Variants in ADAMTSL2 observed in about 807,000 individuals in gnomAD.
The protein encoded by ADAMTSL2 is ADAMTS like 2, also known as ADAMTS-like protein 2.
Under a neutral mutation model 117.0 loss-of-function variants are expected in ADAMTSL2, and 55 were observed. The observed-to-expected ratio is 0.47, with a 90% confidence interval of 0.38 to 0.59. The LOEUF is 0.59. Ranked by LOEUF, ADAMTSL2 falls within the 20% of genes least tolerant of loss-of-function variation. The pLI is 0.00. For synonymous variants in ADAMTSL2, 572 were observed against 566.4 expected (o/e 1.01, Z -0.14); for missense variants, 1,182 against 1,354.5 (o/e 0.87, Z 2.00).
rs1271433762 is a variant in ADAMTSL2, at chr9:133,568,359, C to T, written c.1961C>T (p.Ser654Leu). Reference sequence around the variant, plus strand: ...GTCGTGCGCTGCTGGAAGATGCTCTCGCCCGGCTTCGACAGCTCCGTGTAC... The same window carrying T: ...GTCGTGCGCTGCTGGAAGATGCTCTTGCCCGGCTTCGACAGCTCCGTGTAC... ...FRVVRCWKML[S>L]PGFDSSVYSD... is the part of the protein sequence containing the mutation. Residue 654 changes from serine to leucine, a missense_variant, in exon 14 of 19, where the codon TCG becomes TTG. By Grantham distance (145) the Ser-to-Leu change is moderately radical. Around this residue, in one of 3 missense-constraint regions of ADAMTSL2, gnomAD observed 465 missense variants for 565.3 expected, o/e 0.82. Coordinates refer to ENST00000651351, the MANE Select transcript of ADAMTSL2 (RefSeq NM_014694.4). 39 of 1,595,368 alleles carry T rather than the reference C, an allele frequency of 2.4e-5. No individual in the cohort carries two copies. Among genetic ancestry groups the T allele is most frequent in the Middle Eastern group, 1.7e-4 (1 of 6,050 alleles).
intron 9 of ADAMTSL2, among the ~76,000 whole-genome samples, chr9:133,550,534 G>A (rs1165148150): frequency 6.6e-6 from 1 of 152,160 alleles, no homozygotes; most frequent in Non-Finnish European, 1.5e-5. Flanking sequence ...CTGTGGCTGA[G>A]CTTCTGTGGG....
chr9:133,566,850 G>C, intron 12 of ADAMTSL2, 86 bp from the exon 13 acceptor site: 1 of 1,532,602 alleles, frequency 6.5e-7, no homozygotes, highest in Non-Finnish European at 8.8e-7. Context: ...TGAGAGGTCA[G>C]GTGACTTGCC....
chr9:133,570,769 G>A (rs1831087579), intron 17 of ADAMTSL2, among the ~76,000 whole-genome samples: 4 of 152,186 alleles, frequency 2.6e-5, no homozygotes, highest in African/African-American at 9.7e-5. Context: ...CGGGAACTCC[G>A]GCCTCGAATT....
chr9:133,561,033 TG>T (rs1305770454), intron 11 of ADAMTSL2, among the ~76,000 whole-genome samples, 164 bp from the exon 12 acceptor site: 1 of 152,186 alleles, frequency 6.6e-6, no homozygotes, highest in African/African-American at 2.4e-5. Context: ...CTTCAGACAG[TG>T]GGAACTCTGA....
At chr9:133,568,509 C>T (rs1012134273) in intron 14 of ADAMTSL2, 23 bp downstream of exon 14, 18 of 1,585,446 alleles carry the variant, frequency 1.1e-5, no homozygotes, top group South Asian at 3.4e-5. Context: ...GGGAGCAAGC[C>T]GGGGGTCGGG....
intron 13 of ADAMTSL2, among the ~76,000 whole-genome samples, chr9:133,567,761 A>G (rs1318423283): frequency 6.6e-6 from 1 of 152,226 alleles, no homozygotes; most frequent in Non-Finnish European, 1.5e-5. Context: ...GGTGGGGTCC[A>G]GCAGGCCCTG....
At chr9:133,538,830 C>G (rs1830119895) in intron 4 of ADAMTSL2, among the ~76,000 whole-genome samples, 1 of 152,134 alleles carries the variant, frequency 6.6e-6, no homozygotes, top group Non-Finnish European at 1.5e-5. Context: ...AAACAGTTCC[C>G]TGGGTTGCTC....
intron 18 of ADAMTSL2, 144 bp downstream of exon 18, chr9:133,574,131 G>A (rs1268517628): frequency 1.4e-5 from 16 of 1,131,706 alleles, no homozygotes; most frequent in Non-Finnish European, 1.8e-5. Flanking sequence ...TGCAGGGAGT[G>A]GGGGCTCCCT....
intron 7 of ADAMTSL2, 110 bp from the exon 8 acceptor site, chr9:133,544,360 C>T: frequency 1.1e-6 from 1 of 941,974 alleles, no homozygotes. Flanking sequence ...GGGGTTGGGC[C>T]AGCCCTTAGA....
At position 133,554,790 on chromosome 9, in the gene ADAMTSL2, G is replaced by GGACCTT; in HGVS notation, c.1276+97_1276+98insGACCTT. 4 of 1,159,480 alleles carry GGACCTT rather than the reference G, an allele frequency of 3.4e-6. No individual in the cohort carries two copies. The highest frequency in any genetic ancestry group is 4.7e-6 in the Non-Finnish European group (4 of 844,080). 71.8% of individuals were successfully genotyped at this position (1,159,480 alleles called of 1,614,324 possible). ...GTCTCAGACCCTTTGCAGACCTGCA[G>GGACCTT]AGGAGGTTCCTAAGAGCTGCCAGCT... On this transcript the variant is annotated intron_variant, in intron 10 of 18. Transcript: ENST00000651351. This position sits in a 1 kb window ranked among gnomAD's most constrained non-coding sequence, Gnocchi z 5.2.
At chr9:133,535,840 C>A (rs917038770) in intron 1 of ADAMTSL2, among the ~76,000 whole-genome samples, 1 of 151,000 alleles carries the variant, frequency 6.6e-6, no homozygotes, top group Non-Finnish European at 1.5e-5. Flanking sequence ...AGGGCAGGGT[C>A]GACGCTGAGG....
chr9:133,537,819 C>T (rs909231488), intron 3 of ADAMTSL2, among the ~76,000 whole-genome samples: 5 of 152,324 alleles, frequency 3.3e-5, no homozygotes, highest in Non-Finnish European at 5.9e-5. Context: ...GTCCTGGAGG[C>T]GGAGAACCAC....
rs1830280226 is a variant in ADAMTSL2, at chr9:133,543,728, G to A, written c.683-742G>A. On this transcript the variant is annotated intron_variant, in intron 7 of 18. Transcript: ENST00000651351. The stretch of plus-strand genomic sequence containing the variant: ...AGCCTCAGGAAACGTCCGACCTGGA[G>A]AGCCCCTTCTTTCCTGTCCCAGGGC... 3.9e-5 allele frequency among the ~76,000 whole-genome samples: 6 copies of A among 152,252 alleles called. No homozygotes were observed. The South Asian group carries it at 1.2e-3, about 31-fold the overall frequency.
At chr9:133,561,067 C>T in intron 11 of ADAMTSL2, 131 bp from the exon 12 acceptor site, 1 of 793,266 alleles carries the variant, frequency 1.3e-6, no homozygotes, top group Non-Finnish European at 2.2e-6. Context: ...GAGGGTCGGC[C>T]CGGGGCTCAG....
upstream of ADAMTSL2, among the ~76,000 whole-genome samples, chr9:133,534,077 C>T (rs749174468): frequency 6.6e-6 from 1 of 152,260 alleles, no homozygotes; most frequent in Non-Finnish European, 1.5e-5. Context: ...TGCTGGACAT[C>T]TGCAGAATCC....
intron 12 of ADAMTSL2, among the ~76,000 whole-genome samples, chr9:133,563,846 A>G (rs1308749264): frequency 9.8e-4 from 47 of 47,736 alleles, no homozygotes; most frequent in Middle Eastern, 0.012. Context: ...AGAGAGAGGG[A>G]GAGAGAGAGA....
chr9:133,556,475 G>A (rs889994054), intron 11 of ADAMTSL2, among the ~76,000 whole-genome samples: 1 of 152,208 alleles, frequency 6.6e-6, no homozygotes, highest in Non-Finnish European at 1.5e-5. Flanking sequence ...CAAGTGCAGA[G>A]TGGCTCAGTC....
rs913043298 is a variant in ADAMTSL2 at position 133,561,096 on chromosome 9, G to T, written c.1650-102G>T. ...GGCTCAGGACAGGTGTGTGCTTCAG[G>T]CGAACATACCCTCCGAAGAAAACTC... On this transcript the variant is annotated intron_variant, in intron 11 of 18. Transcript: ENST00000651351. 4.1e-4 allele frequency: 399 copies of T among 983,108 alleles called. 1 individual carries two copies. Among genetic ancestry groups the T allele is most frequent in the Middle Eastern group, 3.2e-3 (14 of 4,412 alleles). 60.9% of individuals were successfully genotyped at this position (983,108 alleles called of 1,614,324 possible). A position where few individuals can be genotyped will look rare whatever the true frequency, so the allele number is the denominator to read the frequency against.
At chr9:133,544,278 G>A (rs912947357) in intron 7 of ADAMTSL2, among the ~76,000 whole-genome samples, 192 bp from the exon 8 acceptor site, 12 of 152,118 alleles carry the variant, frequency 7.9e-5, no homozygotes, top group African/African-American at 2.9e-4. Context: ...GGTGAGCCTG[G>A]GCAGGTGCCC....
Sources: gnomAD v4.1 joint callset for allele counts (sites outside exome capture counted in the v4.1 genomes callset) on GRCh38, gnomAD v4.1.1 for gene constraint, gnomAD v4.1.1 regional missense constraint, Gnocchi (gnomAD v3.1) non-coding constraint, MANE v1.5 for transcripts, NCBI Gene and HGNC (gene_info 2026-07-23, HGNC 2026-07-21) for gene names.